The following MAML2 variants were observed in gnomAD, a reference collection of about 807,000 sequenced individuals.
The protein encoded by MAML2 is mastermind-like protein 2.
In MAML2, 22 loss-of-function variants were observed where a neutral mutation model predicts 96.1. The ratio of observed to expected loss-of-function variants is 0.23; its 90% confidence interval spans 0.16 to 0.33. The LOEUF is 0.33. Ranked by LOEUF, MAML2 falls within the 10% of genes least tolerant of loss-of-function variation. The probability of loss-of-function intolerance (pLI) is 1.00; values close to 1 mark genes in which losing one functional copy is unlikely to be tolerated. For missense variants in MAML2, 1,367 were observed against 1,392.4 expected (o/e 0.98, Z 0.29); for synonymous variants, 561 against 521.3 (o/e 1.08, Z -1.04).
intron 1 of MAML2, among the ~76,000 whole-genome samples, chr11:96,253,009 C>T (rs1387543717): frequency 6.6e-6 from 1 of 152,152 alleles, no homozygotes; most frequent in Non-Finnish European, 1.5e-5. Context: ...TCTCTTTAAA[C>T]AAATACTTGG....
chr11:96,277,377 C>T (rs1746728653), intron 1 of MAML2, among the ~76,000 whole-genome samples: 1 of 152,136 alleles, frequency 6.6e-6, no homozygotes. Flanking sequence ...GTGGGTATCA[C>T]TTCATGTCTT....
chr11:95,994,165 A>G (rs1338084988), intron 2 of MAML2, among the ~76,000 whole-genome samples: 1 of 152,198 alleles, frequency 6.6e-6, no homozygotes, highest in Non-Finnish European at 1.5e-5. Context: ...GAGCACCCTC[A>G]GGTCAGGAAG....
rs58340657 is a variant in MAML2, at chr11:96,296,750, T to C, written c.513+44633A>G. Among the ~76,000 whole-genome samples, 13 of 152,320 alleles carry C rather than the reference T, an allele frequency of 8.5e-5. No homozygotes were observed. The East Asian group carries it at 1.2e-3, about 14-fold the overall frequency. On this transcript the variant is annotated intron_variant, in intron 1 of 4. Transcript: ENST00000524717. ...AAGAACACAGGATTTGCATTAGAAGTCTTCCTAATTGTATTGCATCTTAAC... is the reference window on the plus strand; with the variant it reads ...AAGAACACAGGATTTGCATTAGAAGCCTTCCTAATTGTATTGCATCTTAAC...
intron 1 of MAML2, among the ~76,000 whole-genome samples, chr11:96,110,412 G>T (rs4753723): frequency 0.38 from 57,457 of 151,976 alleles, 11,757 homozygotes; most frequent in East Asian, 0.73. Context: ...ACTTTATGTT[G>T]TTCCTAGTCT....
intron 2 of MAML2, among the ~76,000 whole-genome samples, chr11:96,038,368 C>T (rs78353097): frequency 0.1 from 15,229 of 152,138 alleles, 1,005 homozygotes; most frequent in East Asian, 0.22. Context: ...CTAGATTTTG[C>T]GTAAATCAAT....
chr11:96,008,886 C>T (rs1858227450), intron 2 of MAML2, among the ~76,000 whole-genome samples: 1 of 152,162 alleles, frequency 6.6e-6, no homozygotes, highest in Non-Finnish European at 1.5e-5. Flanking sequence ...TGAAGTTCAT[C>T]ATATTTATCT....
At chr11:96,309,997 C>T (rs1863515364) in intron 1 of MAML2, among the ~76,000 whole-genome samples, 1 of 152,072 alleles carries the variant, frequency 6.6e-6, no homozygotes. Flanking sequence ...GCCACCACAC[C>T]TGGTCAGAAT....
At chr11:96,133,728 T>C (rs1460338177) in intron 1 of MAML2, among the ~76,000 whole-genome samples, 1 of 152,214 alleles carries the variant, frequency 6.6e-6, no homozygotes, top group Admixed American at 6.5e-5. Flanking sequence ...GCATGGGGGC[T>C]CATGCCTATA....
intron 2 of MAML2, among the ~76,000 whole-genome samples, chr11:96,077,369 C>A (rs1017468730): frequency 6.6e-6 from 1 of 151,698 alleles, no homozygotes; most frequent in South Asian, 2.1e-4. Context: ...TACAGGCATA[C>A]GCCACCATGC....
At chr11:96,309,565 T>G (rs766021841) in intron 1 of MAML2, among the ~76,000 whole-genome samples, 1 of 152,166 alleles carries the variant, frequency 6.6e-6, no homozygotes, top group Admixed American at 6.5e-5. Flanking sequence ...ACATCACCAT[T>G]TCATAGATGG....
intron 1 of MAML2, among the ~76,000 whole-genome samples, chr11:96,205,621 A>G (rs1309656559): frequency 6.6e-6 from 1 of 152,226 alleles, no homozygotes; most frequent in Non-Finnish European, 1.5e-5. Flanking sequence ...ACTAGAGCCT[A>G]TGTAGCTCAC....
intron 2 of MAML2, among the ~76,000 whole-genome samples, chr11:96,026,411 A>T (rs183296580): frequency 6.6e-6 from 1 of 152,308 alleles, no homozygotes; most frequent in East Asian, 1.9e-4. Context: ...TTTGAATTGG[A>T]TCTTTGGCCA....
intron 3 of MAML2, among the ~76,000 whole-genome samples, chr11:95,988,347 C>T (rs760127086): frequency 2.0e-5 from 3 of 151,574 alleles, no homozygotes; most frequent in African/African-American, 4.8e-5. Flanking sequence ...CAACCTCTGC[C>T]TCCCAGGTTC....
intron 1 of MAML2, among the ~76,000 whole-genome samples, chr11:96,101,719 T>G (rs940551816): frequency 5.9e-5 from 9 of 152,162 alleles, no homozygotes; most frequent in Non-Finnish European, 8.8e-5. Context: ...GTCAGAGAGA[T>G]GAACTTGAAC....
Position 96,291,115 on chromosome 11 carries a change from CTTTTTTTTTTTTTT to C in MAML2, c.513+50254_513+50267del, listed in dbSNP as rs58889757. On this transcript the variant is annotated intron_variant, in intron 1 of 4. Transcript: ENST00000524717. The stretch of plus-strand genomic sequence containing the variant: ...ACATCTGTGTTAGTTTTTCACAAGC[CTTTTTTTTTTTTTT>C]TTTTTTTTTTTTTGAGATGTAGTTT... Among the ~76,000 whole-genome samples the C allele has an allele frequency of 1.4e-4, 10 of 69,064 alleles. No homozygotes were observed. The East Asian group carries it at 4.2e-3, about 29-fold the overall frequency. 45.3% of individuals were successfully genotyped at this position (69,064 alleles called of 152,430 possible).
intron 2 of MAML2, among the ~76,000 whole-genome samples, chr11:96,091,121 T>A (rs1264430248): frequency 2.0e-5 from 3 of 152,210 alleles, no homozygotes; most frequent in African/African-American, 7.2e-5. Context: ...GGAATAAACC[T>A]CTGTTTTATG....
intron 4 of MAML2, among the ~76,000 whole-genome samples, chr11:95,983,542 C>T (rs904113754): frequency 2.0e-5 from 3 of 151,996 alleles, no homozygotes; most frequent in African/African-American, 7.2e-5. Context: ...TTTCAAATAC[C>T]AAGAAGAGGA....
chr11:96,223,142 T>G (rs1862163648), intron 1 of MAML2, among the ~76,000 whole-genome samples: 2 of 152,176 alleles, frequency 1.3e-5, no homozygotes, highest in East Asian at 3.8e-4. Context: ...GAAGACACGT[T>G]ATATGAAAAC....
intron 1 of MAML2, among the ~76,000 whole-genome samples, chr11:96,317,832 A>G (rs535148566): frequency 1.3e-3 from 200 of 152,344 alleles, no homozygotes; most frequent in African/African-American, 4.6e-3. Context: ...TTGCTGACAG[A>G]TGACTTATTT....
Sources: allele counts gnomAD v4.1 joint callset (sites outside exome capture counted in the v4.1 genomes callset), GRCh38; gene constraint gnomAD v4.1.1; transcripts MANE v1.5; gene names NCBI Gene and HGNC (gene_info 2026-07-23, HGNC 2026-07-21).